The following ARL3 variants were observed in gnomAD, a reference collection of about 807,000 sequenced individuals.
The protein encoded by ARL3 is ADP-ribosylation factor-like protein 3.
Under a neutral mutation model 26.0 loss-of-function variants are expected in ARL3, and 9 were observed. That is an observed-to-expected ratio of 0.35 (90% CI 0.21 to 0.60). The LOEUF (loss-of-function observed/expected upper bound fraction) is 0.60. Among genes scored for constraint, ARL3 ranks in the 20% least tolerant of loss-of-function variants. The pLI, the probability that ARL3 is intolerant of heterozygous loss-of-function variation, is 0.78. For synonymous variants in ARL3, 71 were observed against 78.4 expected, an observed-to-expected ratio of 0.91 and a Z score of 0.50; for missense variants, 158 against 215.7, an observed-to-expected ratio of 0.73 and a Z score of 1.67.
At position 102,675,408 on chromosome 10, in the gene ARL3, G is replaced by GC. The variant is rs2064125017; in HGVS notation, c.*1485dup. On this transcript the variant is annotated 3_prime_UTR_variant, in exon 6 of 6. Coordinates refer to ENST00000260746, the MANE Select transcript of ARL3 (RefSeq NM_004311.4). ...AGCGGCCCCTTCAGTCTGCTCACACGCCCTGATGGGCTTGGGAAGGGCCAC... is the reference window on the plus strand; with the variant it reads ...AGCGGCCCCTTCAGTCTGCTCACACGCCCCTGATGGGCTTGGGAAGGGCCAC... 1 of 152,220 alleles carries GC rather than the reference G, an allele frequency of 6.6e-6. No individual in the cohort carries two copies. The highest frequency in any genetic ancestry group is 1.9e-4 in the East Asian group (1 of 5,198). The allele number at this position is 152,220 out of a possible 1,614,324, so 9.4% of individuals were successfully genotyped here. A position where few individuals can be genotyped will look rare whatever the true frequency, so the allele number is the denominator to read the frequency against.
rs2064130111 is a variant in ARL3, at chr10:102,676,244, A to G, written c.*650T>C. The stretch of plus-strand genomic sequence containing the variant: ...TGGGATGGGGTATGTTTCTGTAGTG[A>G]CTTGTCTGCAAGAAAGACTTTTTTT... On this transcript the variant is annotated 3_prime_UTR_variant, in exon 6 of 6. Transcript: ENST00000260746. 1 of 146,948 alleles carries G rather than the reference A, an allele frequency of 6.8e-6. No individual in the cohort carries two copies. The highest frequency in any genetic ancestry group is 7.1e-5 in the Admixed American group (1 of 14,102). 9.1% of individuals were successfully genotyped at this position (146,948 alleles called of 1,614,324 possible). A position where few individuals can be genotyped will look rare whatever the true frequency, so the allele number is the denominator to read the frequency against.
intron 5 of ARL3, among the ~76,000 whole-genome samples, chr10:102,680,353 A>ACCCT (rs1445913245): frequency 2.0e-5 from 3 of 151,670 alleles, no homozygotes. Flanking sequence ...CCTTCCCTGG[A>ACCCT]CCCTCCCCTG....
At chr10:102,707,279 CAG>C (rs1258202746) in intron 1 of ARL3, among the ~76,000 whole-genome samples, 1 of 150,630 alleles carries the variant, frequency 6.6e-6, no homozygotes. Flanking sequence ...GCCTGGGTGA[CAG>C]AGTGAGACTC....
intron 3 of ARL3, among the ~76,000 whole-genome samples, chr10:102,693,539 T>C (rs1564731211): frequency 1.3e-5 from 2 of 152,232 alleles, no homozygotes; most frequent in African/African-American, 4.8e-5. Context: ...AGTTGTTTGC[T>C]TATTCTTGAG....
intron 4 of ARL3, among the ~76,000 whole-genome samples, chr10:102,687,926 C>CGTGTGT (rs150375198): frequency 1.1e-4 from 17 of 151,420 alleles, no homozygotes; most frequent in African/African-American, 4.1e-4. Flanking sequence ...ACTTTCAATG[C>CGTGTGT]GTGTGTGTGT....
chr10:102,705,275 C>T, intron 2 of ARL3, 71 bp downstream of exon 2: 1 of 1,456,322 alleles, frequency 6.9e-7, no homozygotes, highest in Non-Finnish European at 9.2e-7. Flanking sequence ...CTGTATTTCC[C>T]ATTTTGTCTT....
chr10:102,691,529 G>A (rs978329515), intron 3 of ARL3, among the ~76,000 whole-genome samples: 2 of 152,088 alleles, frequency 1.3e-5, no homozygotes, highest in Non-Finnish European at 1.5e-5. Flanking sequence ...CATGGACACT[G>A]AAATGTGAAT....
At chr10:102,703,197 C>T (rs952299325) in intron 2 of ARL3, among the ~76,000 whole-genome samples, 1 of 147,428 alleles carries the variant, frequency 6.8e-6, no homozygotes, top group African/African-American at 2.5e-5. Context: ...TCTCAGCTCA[C>T]TGTAATCTCC....
intron 1 of ARL3, among the ~76,000 whole-genome samples, chr10:102,708,908 A>ATATATATATATTTTTT: frequency 4.7e-4 from 45 of 95,312 alleles, no homozygotes; most frequent in East Asian, 1.8e-3. Flanking sequence ...ATATATATAT[A>ATATATATATATTTTTT]TTTTTTTTTT....
At chr10:102,704,020 G>A (rs1014807139) in intron 2 of ARL3, among the ~76,000 whole-genome samples, 1 of 151,464 alleles carries the variant, frequency 6.6e-6, no homozygotes, top group East Asian at 2.0e-4. Flanking sequence ...GCGTGGTGGC[G>A]TGCACCTGTA....
At chr10:102,713,998 CG>C (rs1329340707) in intron 1 of ARL3, among the ~76,000 whole-genome samples, 2 of 152,164 alleles carry the variant, frequency 1.3e-5, no homozygotes, top group African/African-American at 4.8e-5. Context: ...TGATGGAGCC[CG>C]GGCTCCGCAC....
chr10:102,701,187 C>T (rs1241762683), intron 2 of ARL3, among the ~76,000 whole-genome samples: 1 of 152,126 alleles, frequency 6.6e-6, no homozygotes, highest in East Asian at 1.9e-4. Flanking sequence ...ATTGCATGAA[C>T]AAGAATTTTT....
intron 5 of ARL3, among the ~76,000 whole-genome samples, chr10:102,680,226 G>A (rs950976945): frequency 2.6e-5 from 4 of 152,182 alleles, no homozygotes; most frequent in African/African-American, 9.7e-5. Flanking sequence ...TTACAGGCGT[G>A]AGCCACTGCA....
rs773027176 is a variant in ARL3 at position 102,676,965 on chromosome 10, A to G, written c.502-24T>C. ...TCCTTTGAGGGAAATGGGCAGAGAA[A>G]GGCAGTGTTAGTTATAAGAAAAGCA... On this transcript the variant is annotated intron_variant, in intron 5 of 5. Coordinates refer to ENST00000260746, the MANE Select transcript of ARL3 (RefSeq NM_004311.4). The G allele has an allele frequency of 1.7e-5, 28 of 1,612,778 alleles. No individual in the cohort carries two copies. The East Asian group carries it at 5.8e-4, about 33-fold the overall frequency.
intron 1 of ARL3, among the ~76,000 whole-genome samples, chr10:102,707,499 C>A (rs2064316073): frequency 6.6e-6 from 1 of 152,096 alleles, no homozygotes; most frequent in African/African-American, 2.4e-5. Context: ...TTTAATCTCC[C>A]AGCCCAAGAA....
At chr10:102,709,348 A>AG (rs1449740540) in intron 1 of ARL3, among the ~76,000 whole-genome samples, 2 of 151,624 alleles carry the variant, frequency 1.3e-5, no homozygotes, top group East Asian at 3.8e-4. Context: ...AAGAATTAAG[A>AG]GAAAAACAAG....
At chr10:102,714,172 C>T (rs746880009) in intron 1 of ARL3, 101 bp downstream of exon 1, 75 of 1,260,182 alleles carry the variant, frequency 6.0e-5, no homozygotes, top group Non-Finnish European at 7.5e-5. Context: ...GAGCGACGTC[C>T]CATTCCCTCC....
intron 2 of ARL3, among the ~76,000 whole-genome samples, chr10:102,702,874 C>A (rs181954216): frequency 1.3e-5 from 2 of 152,212 alleles, no homozygotes; most frequent in East Asian, 3.9e-4. Flanking sequence ...ACTCATGGGC[C>A]GTGAAGTATG....
rs1279230118 is a variant in ARL3, at chr10:102,689,961, A to G, written c.265-18T>C. The G allele has an allele frequency of 6.4e-7, 1 of 1,557,710 alleles. No individual in the cohort carries two copies. The highest frequency in any genetic ancestry group is 1.9e-5 in the Admixed American group (1 of 53,436). ...ACATATATCTATAAAGGAAAAGAAGAAGGTTATTTCAGTGAGCAGAGATGG... is the reference window on the plus strand; with the variant it reads ...ACATATATCTATAAAGGAAAAGAAGGAGGTTATTTCAGTGAGCAGAGATGG... On this transcript the variant is annotated intron_variant, in intron 3 of 5. Coordinates refer to ENST00000260746, the MANE Select transcript of ARL3 (RefSeq NM_004311.4).
Sources: allele counts gnomAD v4.1 joint callset (sites outside exome capture counted in the v4.1 genomes callset), GRCh38; gene constraint gnomAD v4.1.1; transcripts MANE v1.5; gene names NCBI Gene and HGNC (gene_info 2026-07-23, HGNC 2026-07-21).